Variants in RBFOX1 observed in about 807,000 individuals in gnomAD.
RBFOX1 encodes the protein RNA binding fox-1 homolog 1, also known as RNA binding protein fox-1 homolog 1.
RBFOX1 carries 8 observed loss-of-function variants against 57.7 expected under a neutral mutation model. That is an observed-to-expected ratio of 0.14 (90% CI 0.08 to 0.25). The LOEUF (loss-of-function observed/expected upper bound fraction) is 0.25, where lower values mean the gene tolerates loss of function less well. RBFOX1 is among the 10% of genes least tolerant of loss of function. The probability of loss-of-function intolerance (pLI) is 1.00; values close to 1 mark genes in which losing one functional copy is unlikely to be tolerated. For synonymous variants in RBFOX1, 326 were observed against 222.4 expected, an observed-to-expected ratio of 1.47 and a Z score of -4.15; for missense variants, 611 against 548.5, an observed-to-expected ratio of 1.11 and a Z score of -1.14.
intron 2 of RBFOX1, among the ~76,000 whole-genome samples, chr16:6,612,810 C>G (rs1391678800): frequency 6.7e-6 from 1 of 149,614 alleles, no homozygotes; most frequent in Non-Finnish European, 1.5e-5. Flanking sequence ...CAAGATCATG[C>G]CACTGCACTC....
At chr16:6,016,204 G>A (rs947802353), upstream of RBFOX1, among the ~76,000 whole-genome samples, 1 of 152,168 alleles carries the variant, frequency 6.6e-6, no homozygotes, top group East Asian at 1.9e-4. Context: ...CAAATGACAG[G>A]GTAAAGGTAA....
intron 3 of RBFOX1, among the ~76,000 whole-genome samples, chr16:6,807,896 TTG>T (rs35350222): frequency 0.03 from 4,499 of 148,392 alleles, 94 homozygotes; most frequent in Non-Finnish European, 0.046. Context: ...ATATATATTA[TTG>T]TGTGTGTGTG....
intron 13 of RBFOX1, among the ~76,000 whole-genome samples, chr16:7,669,828 T>G (rs897322426): frequency 6.6e-6 from 1 of 152,242 alleles, no homozygotes; most frequent in South Asian, 2.1e-4. Flanking sequence ...AGACCTTGCT[T>G]TCAGTGTGAG....
At chr16:6,305,888 C>G (rs2079449762) in intron 1 of RBFOX1, among the ~76,000 whole-genome samples, 1 of 152,040 alleles carries the variant, frequency 6.6e-6, no homozygotes, top group Non-Finnish European at 1.5e-5. Context: ...TGTCCTCTAA[C>G]TGACCCCTTA....
At chr16:6,803,341 G>C (rs1292917431) in intron 3 of RBFOX1, among the ~76,000 whole-genome samples, 2 of 152,168 alleles carry the variant, frequency 1.3e-5, no homozygotes, top group African/African-American at 4.8e-5. Context: ...AACTACAGCA[G>C]AAGTGTTGCC....
chr16:5,491,883 A>C (rs1025932078), intron 2 of RBFOX1, among the ~76,000 whole-genome samples: 2 of 152,254 alleles, frequency 1.3e-5, no homozygotes, highest in African/African-American at 4.8e-5. Flanking sequence ...ACAGACAAAC[A>C]TACAACAATG....
At chr16:5,432,871 C>T (rs1320926545) in intron 1 of RBFOX1, among the ~76,000 whole-genome samples, 1 of 152,000 alleles carries the variant, frequency 6.6e-6, no homozygotes, top group East Asian at 1.9e-4. Context: ...CTGCAAATTC[C>T]ATCTCCCAGG....
At chr16:7,034,025 A>G (rs1384027856) in intron 3 of RBFOX1, among the ~76,000 whole-genome samples, 5 of 152,154 alleles carry the variant, frequency 3.3e-5, no homozygotes, top group Non-Finnish European at 7.3e-5. Context: ...GAATACTTGG[A>G]TTTCTCTCCA....
chr16:5,397,929 G>C (rs797014427), intron 1 of RBFOX1, among the ~76,000 whole-genome samples: 6 of 152,332 alleles, frequency 3.9e-5, no homozygotes, highest in African/African-American at 1.4e-4. Context: ...TGTGCCACGT[G>C]CTTGCTGAAC....
intron 3 of RBFOX1, among the ~76,000 whole-genome samples, chr16:5,748,186 T>C (rs2053059442): frequency 6.6e-6 from 1 of 152,184 alleles, no homozygotes; most frequent in Non-Finnish European, 1.5e-5. Context: ...TGAGTGGTTT[T>C]GAGTGAGTTT....
chr16:7,151,133 T>C (rs2076024862), intron 4 of RBFOX1, among the ~76,000 whole-genome samples: 1 of 152,172 alleles, frequency 6.6e-6, no homozygotes, highest in African/African-American at 2.4e-5. Flanking sequence ...CAATGTCCTA[T>C]GTAAACTTAT....
At chr16:7,398,773 G>C (rs1381227700) in intron 4 of RBFOX1, among the ~76,000 whole-genome samples, 1 of 152,166 alleles carries the variant, frequency 6.6e-6, no homozygotes, top group African/African-American at 2.4e-5. Flanking sequence ...CATGTGGCTG[G>C]GGGCCAGCTA....
intron 1 of RBFOX1, among the ~76,000 whole-genome samples, chr16:6,213,201 G>T (rs2097309861): frequency 6.6e-6 from 1 of 151,690 alleles, no homozygotes; most frequent in South Asian, 2.1e-4. Context: ...TCTTTTTTAT[G>T]ACCCAGTGTG....
chr16:7,014,688 TGAGA>T (rs925672432), intron 3 of RBFOX1, among the ~76,000 whole-genome samples: 4 of 152,072 alleles, frequency 2.6e-5, no homozygotes, highest in Admixed American at 1.3e-4. Flanking sequence ...GAATCTTGAG[TGAGA>T]GAGAGTGGAT....
At chr16:5,782,210 C>G (rs1430920924) in intron 3 of RBFOX1, among the ~76,000 whole-genome samples, 1 of 152,204 alleles carries the variant, frequency 6.6e-6, no homozygotes, top group Non-Finnish European at 1.5e-5. Context: ...GACTCAAGCA[C>G]AGAAACACAT....
At chr16:6,441,741 ACTGT>A (rs1336842397) in intron 2 of RBFOX1, among the ~76,000 whole-genome samples, 3 of 151,804 alleles carry the variant, frequency 2.0e-5, no homozygotes, top group Admixed American at 6.6e-5. Flanking sequence ...CTTATTTCTG[ACTGT>A]CTGTCTTCAC....
chr16:7,416,571 C>G (rs1431716463), intron 4 of RBFOX1, among the ~76,000 whole-genome samples: 1 of 152,138 alleles, frequency 6.6e-6, no homozygotes, highest in Non-Finnish European at 1.5e-5. Flanking sequence ...GTGCAAGATC[C>G]TCTTCTGGGG....
At chr16:5,264,908 G>T (rs942250445) in intron 1 of RBFOX1, among the ~76,000 whole-genome samples, 63 of 152,068 alleles carry the variant, frequency 4.1e-4, no homozygotes, top group African/African-American at 1.5e-3. Context: ...GCATAAGTGA[G>T]AAAAACAACT....
intron 3 of RBFOX1, among the ~76,000 whole-genome samples, chr16:6,776,605 A>T (rs530602537): frequency 2.0e-5 from 3 of 152,214 alleles, no homozygotes; most frequent in African/African-American, 7.2e-5. Flanking sequence ...GAGCCTCTCT[A>T]TGTGGGGAGA....
Sources: gnomAD v4.1 joint callset for allele counts (sites outside exome capture counted in the v4.1 genomes callset) on GRCh38, gnomAD v4.1.1 for gene constraint, MANE v1.5 for transcripts, NCBI Gene and HGNC (gene_info 2026-07-23, HGNC 2026-07-21) for gene names.